Variants in NPAS3 observed in about 807,000 individuals in gnomAD.
NPAS3 encodes neuronal PAS domain protein 3, also known as neuronal PAS domain-containing protein 3.
In NPAS3, 14 loss-of-function variants were observed where a neutral mutation model predicts 73.1. The observed-to-expected ratio is 0.19, with a 90% confidence interval of 0.13 to 0.30. NPAS3 has a LOEUF of 0.30. NPAS3 is among the 10% of genes least tolerant of loss of function. NPAS3 has a pLI of 1.00. For synonymous variants in NPAS3, 620 were observed against 541.5 expected (o/e 1.14, Z -2.01); for missense variants, 1,096 against 1,250.0 (o/e 0.88, Z 1.86).
At chr14:33,603,112 T>G (rs1187085098) in intron 5 of NPAS3, among the ~76,000 whole-genome samples, 1 of 152,216 alleles carries the variant, frequency 6.6e-6, no homozygotes, top group African/African-American at 2.4e-5. Context: ...AAGTCAAACT[T>G]GTTATTATTA....
intron 4 of NPAS3, among the ~76,000 whole-genome samples, chr14:33,436,177 G>T (rs557325270): frequency 6.6e-6 from 1 of 152,176 alleles, no homozygotes; most frequent in Non-Finnish European, 1.5e-5. Context: ...GGGTGATTTC[G>T]AGAGGTGACT....
chr14:33,402,407 C>G (rs1195290828), intron 4 of NPAS3, among the ~76,000 whole-genome samples: 1 of 152,016 alleles, frequency 6.6e-6, no homozygotes, highest in East Asian at 1.9e-4. Context: ...TGGACAAACT[C>G]TAGCCCTCCT....
At position 33,546,468 on chromosome 14, in the gene NPAS3, C is replaced by G. The variant is rs377722951; in HGVS notation, c.469-13653C>G. Among the ~76,000 whole-genome samples the G allele has an allele frequency of 8.5e-5, 13 of 152,178 alleles. No individual in the cohort carries two copies. The East Asian group carries it at 9.6e-4, about 11-fold the overall frequency. ...TCTTCCAATCACTTGCTGGATAACT[C>G]CCTACATCTACCATTTCCTTGTGTG... On this transcript the variant is annotated intron_variant, in intron 4 of 11. Coordinates refer to ENST00000356141, the Ensembl canonical transcript of NPAS3.
intron 1 of NPAS3, among the ~76,000 whole-genome samples, chr14:33,023,550 T>C (rs984590345): frequency 6.6e-6 from 1 of 152,212 alleles, no homozygotes; most frequent in African/African-American, 2.4e-5. Flanking sequence ...TAAAAATGCA[T>C]TATAAAGGTG....
At chr14:33,032,755 C>T (rs745452473) in intron 1 of NPAS3, among the ~76,000 whole-genome samples, 1 of 152,238 alleles carries the variant, frequency 6.6e-6, no homozygotes, top group Non-Finnish European at 1.5e-5. Flanking sequence ...TTCCCTGTGA[C>T]ACTTCTCCAC....
chr14:33,759,212 C>T (rs1040256186), intron 7 of NPAS3, among the ~76,000 whole-genome samples: 1 of 152,124 alleles, frequency 6.6e-6, no homozygotes, highest in Non-Finnish European at 1.5e-5. Flanking sequence ...TTAAAGAAGC[C>T]AAACATACAT....
chr14:33,456,554 A>G (rs1302347585), intron 4 of NPAS3, among the ~76,000 whole-genome samples: 1 of 152,224 alleles, frequency 6.6e-6, no homozygotes. Context: ...AACTCTGTGA[A>G]GAAGTACATC....
intron 1 of NPAS3, among the ~76,000 whole-genome samples, chr14:32,948,262 G>A (rs972556207): frequency 2.6e-5 from 4 of 151,984 alleles, no homozygotes; most frequent in Non-Finnish European, 5.9e-5. Flanking sequence ...TATATTTTGG[G>A]GATGTCAAAG....
rs186211465 is a variant in NPAS3, at chr14:33,065,747, T to G, written c.140+9753T>G. Among the ~76,000 whole-genome samples the G allele has an allele frequency of 5.0e-4, 76 of 152,102 alleles. 1 individual carries two copies. The highest frequency in any genetic ancestry group is 1.8e-3 in the African/African-American group (73 of 41,522). Reference sequence around the variant, plus strand: ...CATGTGTTACCAATGAGAAGAGGCCTATTTCTCTTACTAGCAATTCCCATT... The same window carrying G: ...CATGTGTTACCAATGAGAAGAGGCCGATTTCTCTTACTAGCAATTCCCATT... On this transcript the variant is annotated intron_variant, in intron 2 of 11. Coordinates refer to ENST00000356141, the Ensembl canonical transcript of NPAS3.
chr14:33,358,754 C>A (rs1471935672), intron 3 of NPAS3, among the ~76,000 whole-genome samples: 1 of 152,212 alleles, frequency 6.6e-6, no homozygotes, highest in Non-Finnish European at 1.5e-5. Context: ...CAGATAGGGG[C>A]TCAACAAATA....
intron 7 of NPAS3, among the ~76,000 whole-genome samples, chr14:33,752,857 G>A (rs1393907853): frequency 2.0e-5 from 3 of 152,024 alleles, no homozygotes; most frequent in Non-Finnish European, 2.9e-5. Context: ...TCGCGCTCAA[G>A]TTCAACTCTC....
At chr14:33,167,410 CACAA>C (rs1319517419) in intron 2 of NPAS3, among the ~76,000 whole-genome samples, 2 of 152,074 alleles carry the variant, frequency 1.3e-5, no homozygotes, top group Non-Finnish European at 2.9e-5. Flanking sequence ...TACACACACG[CACAA>C]ACAGACACAC....
chr14:33,068,205 T>C (rs2041347282), intron 2 of NPAS3, among the ~76,000 whole-genome samples: 1 of 152,226 alleles, frequency 6.6e-6, no homozygotes, highest in South Asian at 2.1e-4. Context: ...GACTGCTCCA[T>C]CTCACGTCAA....
intron 3 of NPAS3, among the ~76,000 whole-genome samples, chr14:33,251,883 CTT>C (rs944341679): frequency 1.3e-5 from 2 of 151,820 alleles, no homozygotes; most frequent in Non-Finnish European, 2.9e-5. Flanking sequence ...TCTGCTTTCT[CTT>C]TTTTTTAGAG....
intron 2 of NPAS3, among the ~76,000 whole-genome samples, chr14:33,094,010 C>T (rs1311954070): frequency 1.3e-5 from 2 of 151,848 alleles, no homozygotes; most frequent in Non-Finnish European, 2.9e-5. Flanking sequence ...GGAGATATAC[C>T]TAATGTAAAT....
intron 4 of NPAS3, among the ~76,000 whole-genome samples, chr14:33,367,927 T>A (rs2045915977): frequency 6.6e-6 from 1 of 151,496 alleles, no homozygotes; most frequent in African/African-American, 2.4e-5. Context: ...TATTCAAAAC[T>A]TTTTTTTACT....
At chr14:33,376,516 A>G (rs914293146) in intron 4 of NPAS3, among the ~76,000 whole-genome samples, 4 of 152,180 alleles carry the variant, frequency 2.6e-5, no homozygotes, top group Non-Finnish European at 4.4e-5. Context: ...CCTTCGTTCA[A>G]TAGGTTGTCA....
At position 33,328,446 on chromosome 14, in the gene NPAS3, C is replaced by CTTTTTTTTT. The variant is rs58411120; in HGVS notation, c.386-38710_386-38702dup. Among the ~76,000 whole-genome samples the CTTTTTTTTT allele has an allele frequency of 1.9e-3, 96 of 49,596 alleles. 38 individuals are homozygous for CTTTTTTTTT. The highest frequency in any genetic ancestry group is 3.1e-3 in the Non-Finnish European group (84 of 26,754). The allele number at this position is 49,596 out of a possible 152,430, so 32.5% of individuals were successfully genotyped here. A position where few individuals can be genotyped will look rare whatever the true frequency, so the allele number is the denominator to read the frequency against. On this transcript the variant is annotated intron_variant, in intron 3 of 11. Coordinates refer to ENST00000356141, the Ensembl canonical transcript of NPAS3. ...TTTATCTTTCTTTTCCTTTTCTTTT[C>CTTTTTTTTT]TTTTTTTTTTTTTTTTTTTTTTTTT...
At chr14:33,674,689 T>G (rs975718738) in intron 5 of NPAS3, among the ~76,000 whole-genome samples, 10 of 151,848 alleles carry the variant, frequency 6.6e-5, no homozygotes, top group African/African-American at 2.4e-4. Context: ...AGGAGGAGAG[T>G]GCAATTTAAT....
Sources: allele counts gnomAD v4.1 joint callset (sites outside exome capture counted in the v4.1 genomes callset), GRCh38; gene constraint gnomAD v4.1.1; transcripts MANE v1.5; gene names NCBI Gene and HGNC (gene_info 2026-07-23, HGNC 2026-07-21).